The following ITGA6 variants were observed in gnomAD, a reference collection of about 807,000 sequenced individuals.
ITGA6 encodes the protein integrin subunit alpha 6, also known as integrin alpha-6.
In ITGA6, 63 loss-of-function variants were observed where a neutral mutation model predicts 133.6. That is an observed-to-expected ratio of 0.47 (90% confidence interval 0.38 to 0.58). The LOEUF is 0.58. Ranked by LOEUF, ITGA6 falls within the 20% of genes least tolerant of loss-of-function variation. The pLI, the probability that ITGA6 is intolerant of heterozygous loss-of-function variation, is 0.00. For synonymous variants in ITGA6, 434 were observed against 482.0 expected, an observed-to-expected ratio of 0.90 and a Z score of 1.30; for missense variants, 1,068 against 1,309.4, an observed-to-expected ratio of 0.82 and a Z score of 2.85.
Position 172,497,929 on chromosome 2 carries a change from T to G in ITGA6, c.2989-46T>G, listed in dbSNP as rs749109956. On this transcript the variant is annotated intron_variant, in intron 23 of 25. Coordinates refer to ENST00000684293, the MANE Select transcript of ITGA6 (RefSeq NM_000210.4). The stretch of plus-strand genomic sequence containing the variant: ...AGAACCATAAACTCCTGGTGTGAAC[T>G]CTTGCCGCTGTATGTAGTAATGCTG... The G allele has an allele frequency of 3.4e-5, 55 of 1,611,268 alleles. No individual in the cohort carries two copies. In the African/African-American group the frequency reaches 5.9e-4, roughly 17 times the overall value.
intron 14 of ITGA6, 24 bp downstream of exon 14, chr2:172,487,162 G>GC (rs1559149030): frequency 1.3e-6 from 2 of 1,530,560 alleles, no homozygotes; most frequent in South Asian, 2.2e-5. Context: ...TGTAGCACTA[G>GC]CAAAAATGAT....
chr2:172,482,527 A>G (rs1686490668), intron 11 of ITGA6, among the ~76,000 whole-genome samples: 1 of 152,148 alleles, frequency 6.6e-6, no homozygotes, highest in South Asian at 2.1e-4. Context: ...AAAGATTTTA[A>G]GATGATGTGG....
intron 6 of ITGA6, 118 bp downstream of exon 6, chr2:172,474,383 G>T: frequency 1.2e-6 from 1 of 868,604 alleles, no homozygotes; most frequent in Non-Finnish European, 1.9e-6. Context: ...TTTTATTGCC[G>T]CATTTTTACC....
intron 1 of ITGA6, among the ~76,000 whole-genome samples, chr2:172,448,939 G>A (rs768951613): frequency 6.4e-4 from 97 of 152,346 alleles, no homozygotes; most frequent in Non-Finnish European, 8.1e-4. Flanking sequence ...TGAAACTTGA[G>A]TTAGGGGTCT....
chr2:172,482,224 C>T (rs1040602310), intron 11 of ITGA6, among the ~76,000 whole-genome samples: 1 of 152,142 alleles, frequency 6.6e-6, no homozygotes, highest in African/African-American at 2.4e-5. Flanking sequence ...TTATGGATGG[C>T]CTTTTATGGG....
intron 23 of ITGA6, among the ~76,000 whole-genome samples, chr2:172,493,973 TTTGTG>T (rs1359535689): frequency 1.3e-5 from 2 of 152,188 alleles, no homozygotes; most frequent in Non-Finnish European, 2.9e-5. Context: ...AATTGGTAGA[TTTGTG>T]AATGGGTTAC....
intron 5 of ITGA6, chr2:172,472,937 T>C (rs1323012855): frequency 8.0e-7 from 1 of 1,257,658 alleles, no homozygotes; most frequent in Middle Eastern, 1.9e-4. Flanking sequence ...GTTGTGGTCA[T>C]TAAATTTTTT....
At chr2:172,445,633 A>T (rs542458741) in intron 1 of ITGA6, among the ~76,000 whole-genome samples, 1 of 148,748 alleles carries the variant, frequency 6.7e-6, no homozygotes, top group Admixed American at 6.8e-5. Flanking sequence ...TGGGCGACAG[A>T]GTGAGACTCC....
At chr2:172,466,295 G>A (rs894293139) in intron 2 of ITGA6, among the ~76,000 whole-genome samples, 7 of 152,280 alleles carry the variant, frequency 4.6e-5, no homozygotes, top group African/African-American at 1.7e-4. Flanking sequence ...TCGTGTCTAT[G>A]TTCTTCTCTT....
chr2:172,481,864 T>C (rs1686457625), intron 11 of ITGA6, among the ~76,000 whole-genome samples: 1 of 152,244 alleles, frequency 6.6e-6, no homozygotes, highest in Non-Finnish European at 1.5e-5. Flanking sequence ...TCTATCATCC[T>C]TTCAGTATCA....
intron 1 of ITGA6, among the ~76,000 whole-genome samples, chr2:172,448,352 A>G (rs1684850206): frequency 6.6e-6 from 1 of 152,074 alleles, no homozygotes; most frequent in African/African-American, 2.4e-5. Context: ...GTTTAGAGCA[A>G]GATCTGGGAG....
chr2:172,469,761 G>T (rs1685838419), intron 4 of ITGA6, among the ~76,000 whole-genome samples: 1 of 152,154 alleles, frequency 6.6e-6, no homozygotes, highest in African/African-American at 2.4e-5. Context: ...AAATAACAGT[G>T]TATTAACATG....
intron 20 of ITGA6, chr2:172,490,803 G>A (rs1180129025): frequency 2.1e-6 from 1 of 486,172 alleles, no homozygotes; most frequent in South Asian, 2.1e-5. Context: ...AGGTCAGAGT[G>A]GGAATGAATT....
chr2:172,460,043 A>G (rs1172536039), intron 1 of ITGA6, among the ~76,000 whole-genome samples: 2 of 152,252 alleles, frequency 1.3e-5, no homozygotes, highest in African/African-American at 4.8e-5. Context: ...GAAGTACACA[A>G]AGCAATTGAT....
chr2:172,454,833 C>T (rs534728056), intron 1 of ITGA6, among the ~76,000 whole-genome samples: 6 of 152,236 alleles, frequency 3.9e-5, no homozygotes, highest in African/African-American at 1.4e-4. Context: ...AGATGCTCGC[C>T]CGCTGGCTTT....
intron 23 of ITGA6, among the ~76,000 whole-genome samples, chr2:172,496,726 C>A (rs1687142310): frequency 6.6e-6 from 1 of 152,162 alleles, no homozygotes; most frequent in Non-Finnish European, 1.5e-5. Context: ...GTGTAGTTTA[C>A]AAAATCATGT....
intron 1 of ITGA6, among the ~76,000 whole-genome samples, chr2:172,433,128 G>A (rs552819796): frequency 1.7e-4 from 26 of 152,274 alleles, no homozygotes; most frequent in Middle Eastern, 3.4e-3. Context: ...GGAAGTGGAC[G>A]TAGTCTCAGC....
At position 172,448,236 on chromosome 2, in the gene ITGA6, C is replaced by T. The variant is rs531983451; in HGVS notation, c.183-17303C>T. On this transcript the variant is annotated intron_variant, in intron 1 of 25. Coordinates refer to ENST00000684293, the MANE Select transcript of ITGA6 (RefSeq NM_000210.4). ...CACAGATCTCAAAGTACTTAATAGA[C>T]GTTAATTATAACTGACCATGCTCTT... Among the ~76,000 whole-genome samples the T allele has an allele frequency of 2.4e-4, 36 of 151,800 alleles. No individual in the cohort carries two copies. The Middle Eastern group carries it at 0.01, about 43-fold the overall frequency.
chr2:172,480,496 C>T (rs553678747), intron 11 of ITGA6, among the ~76,000 whole-genome samples: 1 of 152,232 alleles, frequency 6.6e-6, no homozygotes, highest in Non-Finnish European at 1.5e-5. Context: ...CTTCTCTTCC[C>T]CACGCCCCTC....
Sources: allele counts gnomAD v4.1 joint callset (sites outside exome capture counted in the v4.1 genomes callset), GRCh38; gene constraint gnomAD v4.1.1; transcripts MANE v1.5; gene names NCBI Gene and HGNC (gene_info 2026-07-23, HGNC 2026-07-21).